The following NUP205 variants were observed in gnomAD, a reference collection of about 807,000 sequenced individuals.
NUP205 encodes nucleoporin 205.
In NUP205, 76 loss-of-function variants were observed where a neutral mutation model predicts 253.8. That is an observed-to-expected ratio of 0.30 (90% CI 0.25 to 0.36). The LOEUF is 0.36. Ranked by LOEUF, NUP205 falls within the 10% of genes least tolerant of loss-of-function variation. NUP205 has a pLI of 1.00. For synonymous variants in NUP205, 832 were observed against 850.1 expected (o/e 0.98, Z 0.37); for missense variants, 2,162 against 2,425.5 (o/e 0.89, Z 2.28).
At chr7:135,601,337 A>G (rs374241479) in intron 16 of NUP205, 33 bp from the exon 17 acceptor site, 32 of 1,589,454 alleles carry the variant, frequency 2.0e-5, no homozygotes, top group Non-Finnish European at 2.5e-5. Context: ...ATACTAACCC[A>G]TCATCTCTTG....
At chr7:135,623,932 G>A (rs1337776192) in intron 31 of NUP205, among the ~76,000 whole-genome samples, 2 of 149,864 alleles carry the variant, frequency 1.3e-5, no homozygotes, top group South Asian at 2.1e-4. Context: ...ACAGGCGCCC[G>A]CCACTACGCC....
intron 15 of NUP205, among the ~76,000 whole-genome samples, chr7:135,599,889 T>C (rs1208259550): frequency 2.6e-5 from 4 of 152,224 alleles, no homozygotes; most frequent in African/African-American, 9.6e-5. Flanking sequence ...TAACAGCGTG[T>C]TAGAGGCAAT....
Position 135,607,365 on chromosome 7 carries a change from TTACCAGG to T in NUP205, c.3193_3195+4del. ...AATCTCCTCAGCTGGCTGAGCTATG[TTACCAGG>T]TACACAGAAAACTGCGTTTTGTGGT... On this transcript the variant is annotated splice_donor_variant and coding_sequence_variant, in exon 22 of 43. Transcript: ENST00000285968. LOFTEE classifies it high-confidence loss of function. 1 of 1,613,550 alleles carries T rather than the reference TTACCAGG, an allele frequency of 6.2e-7. No homozygotes were observed. Among genetic ancestry groups the T allele is most frequent in the Non-Finnish European group, 8.5e-7 (1 of 1,179,750 alleles).
intron 13 of NUP205, 31 bp from the exon 14 acceptor site, chr7:135,597,337 G>C (rs1563121732): frequency 6.5e-7 from 1 of 1,549,570 alleles, no homozygotes; most frequent in Non-Finnish European, 8.9e-7. Context: ...AATGAGGAAT[G>C]CTCCTGACAT....
rs767911212 is a variant in NUP205 at position 135,606,214 on chromosome 7, C to T, written c.2893C>T (p.Arg965Cys). 78 of 1,608,076 alleles carry T rather than the reference C, an allele frequency of 4.9e-5. No individual in the cohort carries two copies. The highest frequency in any genetic ancestry group is 6.1e-5 in the Non-Finnish European group (72 of 1,174,990). Reference sequence around the variant, plus strand: ...TTGTGAAGATGCAGAAGAATTTGTACGTCTGGAAGAGGGTATGCCTTAGAT... The same window carrying T: ...TTGTGAAGATGCAGAAGAATTTGTATGTCTGGAAGAGGGTATGCCTTAGAT... ...LDCEDAEEFV[R>C]LEEGSELEKK... Residue 965 changes from arginine to cysteine, a missense_variant, in exon 20 of 43, where the codon CGT becomes TGT. By Grantham distance (180) the Arg-to-Cys change is radical. This residue lies in a region of NUP205 where 1,144 missense variants were observed against 1,280.9 expected (regional missense o/e 0.89). Transcript: ENST00000285968.
chr7:135,594,683 C>A lies in NUP205; in HGVS notation c.1967C>A (p.Ser656Tyr). ...LLKTLAAFGK[S>Y]PEIAASLWQS... ...AAGACACTCGCAGCTTTTGGAAAAT[C>A]TCCTGAAATTGCTGCTTCCCTCTGG... Residue 656 changes from serine to tyrosine, a missense_variant, in exon 13 of 43, where the codon TCT becomes TAT. Physicochemically the swap from Ser to Tyr is moderately radical, Grantham distance 144. Coordinates refer to ENST00000285968, the MANE Select transcript of NUP205 (RefSeq NM_015135.3). 6.2e-7 allele frequency: 1 copy of A among 1,613,804 alleles called. No individual in the cohort carries two copies. Among genetic ancestry groups the A allele is most frequent in the Non-Finnish European group, 8.5e-7 (1 of 1,179,848 alleles).
intron 38 of NUP205, 36 bp downstream of exon 38, chr7:135,638,719 A>G: frequency 6.2e-7 from 1 of 1,613,114 alleles, no homozygotes; most frequent in South Asian, 1.1e-5. Flanking sequence ...TGAAGGAACT[A>G]AGTTGCTATG....
chr7:135,612,904 T>C (rs563642747), intron 22 of NUP205, among the ~76,000 whole-genome samples: 1 of 152,246 alleles, frequency 6.6e-6, no homozygotes, highest in South Asian at 2.1e-4. Context: ...AAGTGCCTGG[T>C]ACATGGAAAG....
chr7:135,577,093 G>C lies in NUP205; in HGVS notation c.613G>C (p.Glu205Gln). Residue 205 changes from glutamate to glutamine, a missense_variant, in exon 5 of 43, where the codon GAG (glutamate) becomes CAG (glutamine). Glu to Gln is a conservative substitution (Grantham distance 29). Transcript: ENST00000285968. ...VNNEFEKLQRERGLGSEKHRK... is the reference protein window; with the variant it reads ...VNNEFEKLQRQRGLGSEKHRK... ...TAATGAGTTTGAGAAACTACAGCGA[G>C]AGAGAGGTTTGGGCAGTGAAAAACA... 1 of 1,613,974 alleles carries C rather than the reference G, an allele frequency of 6.2e-7. No individual in the cohort carries two copies. Among genetic ancestry groups the C allele is most frequent in the South Asian group, 1.1e-5 (1 of 91,052 alleles).
intron 14 of NUP205, 45 bp from the exon 15 acceptor site, chr7:135,597,953 G>C (rs200684790): frequency 2.0e-6 from 3 of 1,467,406 alleles, no homozygotes; most frequent in African/African-American, 1.4e-5. Context: ...TCACTTCATA[G>C]CTAATAGTTT....
Position 135,616,739 on chromosome 7 carries a change from G to A in NUP205, c.3532+13G>A. The A allele has an allele frequency of 1.4e-6, 2 of 1,431,148 alleles. No homozygotes were observed. The highest frequency in any genetic ancestry group is 9.4e-7 in the Non-Finnish European group (1 of 1,069,008). The allele number at this position is 1,431,148 out of a possible 1,614,324, so 88.7% of individuals were successfully genotyped here. A position where few individuals can be genotyped will look rare whatever the true frequency, so the allele number is the denominator to read the frequency against. ...ACTGCTACAAAAGGTAATGCCCTTT[G>A]AATTTGTAATAAATTTATTTTATAG... On this transcript the variant is annotated intron_variant, in intron 25 of 42. Transcript: ENST00000285968.
chr7:135,604,444 A>T lies in NUP205; in HGVS notation c.2807A>T (p.Asp936Val). The T allele has an allele frequency of 6.2e-7, 1 of 1,604,290 alleles. No individual in the cohort carries two copies. Residue 936 changes from aspartate (D) to valine (V), a missense_variant, in exon 19 of 43, where the codon GAT becomes GTT. Coordinates refer to ENST00000285968, the MANE Select transcript of NUP205 (RefSeq NM_015135.3). ...NSNIQIKLVGDFTHDQSISQK... is the reference protein window; with the variant it reads ...NSNIQIKLVGVFTHDQSISQK... ...AATATTCAGATAAAGTTGGTTGGAG[A>T]TTTCACACATGACCAGGTAACTGAT...
At chr7:135,558,403 G>A (rs1197682713) in intron 1 of NUP205, among the ~76,000 whole-genome samples, 1 of 152,194 alleles carries the variant, frequency 6.6e-6, no homozygotes. Context: ...TAGGGTGGGA[G>A]ATCTTGCAGG....
chr7:135,618,717 C>A, intron 28 of NUP205, 114 bp downstream of exon 28: 1 of 848,110 alleles, frequency 1.2e-6, no homozygotes, highest in Non-Finnish European at 1.8e-6. Context: ...TAGAATTGTG[C>A]AATACCAACG....
intron 38 of NUP205, among the ~76,000 whole-genome samples, chr7:135,640,007 A>G (rs183731191): frequency 2.8e-4 from 43 of 152,342 alleles, no homozygotes; most frequent in Admixed American, 2.2e-3. Context: ...AAGTTGAACA[A>G]TGAGAACACA....
chr7:135,635,368 T>C, intron 35 of NUP205: 1 of 346,030 alleles, frequency 2.9e-6, no homozygotes, highest in Non-Finnish European at 5.2e-6. Context: ...ACTCTGCATT[T>C]TAGATTGGCT....
rs553931947 is a variant in NUP205, at chr7:135,628,126, T to TTG, written c.4932+17_4932+18dup. On this transcript the variant is annotated intron_variant, in intron 34 of 42. Coordinates refer to ENST00000285968, the MANE Select transcript of NUP205 (RefSeq NM_015135.3). ...CAGCAGGGCAGGTAAGGTGAACCCT[T>TTG]TGTTTAGATATTGTCTAGAGCAAAA... is the stretch of plus-strand genomic sequence containing the variant. 943 of 1,605,798 alleles carry TTG rather than the reference T, an allele frequency of 5.9e-4. 14 individuals carry two copies. In the South Asian group the frequency reaches 9.9e-3, roughly 17 times the overall value.
At chr7:135,588,096 A>G (rs1047918919) in intron 10 of NUP205, 104 bp downstream of exon 10, 13 of 923,594 alleles carry the variant, frequency 1.4e-5, no homozygotes, top group Non-Finnish European at 1.9e-5. Flanking sequence ...AACACAAATG[A>G]TCACTAGTGT....
intron 36 of NUP205, among the ~76,000 whole-genome samples, chr7:135,637,516 T>G (rs1794831297): frequency 6.6e-6 from 1 of 152,206 alleles, no homozygotes; most frequent in Admixed American, 6.5e-5. Context: ...GTAACAGCTT[T>G]TAGATTTGTG....
Sources: gnomAD v4.1 joint callset for allele counts (sites outside exome capture counted in the v4.1 genomes callset) on GRCh38, gnomAD v4.1.1 for gene constraint, gnomAD v4.1.1 regional missense constraint, MANE v1.5 for transcripts, NCBI Gene and HGNC (gene_info 2026-07-23, HGNC 2026-07-21) for gene names.